The following PKNOX2 variants were observed in gnomAD, a reference collection of about 807,000 sequenced individuals.
The protein encoded by PKNOX2 is PBX/knotted 1 homeobox 2.
PKNOX2 carries 14 observed loss-of-function variants against 53.1 expected under a neutral mutation model. That is an observed-to-expected ratio of 0.26 (90% CI 0.17 to 0.41). PKNOX2 has a LOEUF of 0.41. Among genes scored for constraint, PKNOX2 ranks in the 10% least tolerant of loss-of-function variants. The pLI, the probability that PKNOX2 is intolerant of heterozygous loss-of-function variation, is 1.00. For synonymous variants in PKNOX2, 257 were observed against 242.8 expected, an observed-to-expected ratio of 1.06 and a Z score of -0.54; for missense variants, 496 against 602.8, an observed-to-expected ratio of 0.82 and a Z score of 1.85.
At position 125,238,679 on chromosome 11, in the gene PKNOX2, G is replaced by A. The variant is rs142640301; in HGVS notation, c.-130+3564G>A. ...GAACTTGCTTAGTTATATCTAAATG[G>A]GCCTACTTCATGGAGTTGAGTCTAG... On this transcript the variant is annotated intron_variant, in intron 2 of 12. Coordinates refer to ENST00000298282, the MANE Select transcript of PKNOX2 (RefSeq NM_001382323.2). Among the ~76,000 whole-genome samples the A allele has an allele frequency of 1.8e-4, 27 of 152,202 alleles. No individual in the cohort carries two copies. In the East Asian group the frequency reaches 3.5e-3, roughly 20 times the overall value.
At chr11:125,263,202 C>T (rs1406741859) in intron 2 of PKNOX2, among the ~76,000 whole-genome samples, 1 of 152,158 alleles carries the variant, frequency 6.6e-6, no homozygotes, top group Non-Finnish European at 1.5e-5. Context: ...AGGACATTGC[C>T]CTACCCTTCA....
chr11:125,428,795 G>A (rs112554199), intron 10 of PKNOX2, among the ~76,000 whole-genome samples: 11 of 152,316 alleles, frequency 7.2e-5, no homozygotes, highest in African/African-American at 2.6e-4. Flanking sequence ...GCTGAGGACT[G>A]GCCAGCCCGG....
At position 125,411,834 on chromosome 11, in the gene PKNOX2, T is replaced by C; in HGVS notation, c.905T>C (p.Ile302Thr). 6.2e-7 allele frequency: 1 copy of C among 1,614,050 alleles called. No homozygotes were observed. The highest frequency in any genetic ancestry group is 1.1e-5 in the South Asian group (1 of 91,046). Residue 302 changes from isoleucine to threonine, a missense_variant, in exon 10 of 13, where the codon ATA becomes ACA. By Grantham distance (89) the Ile-to-Thr change is moderately conservative (BLOSUM62 -1). Coordinates refer to ENST00000298282, the MANE Select transcript of PKNOX2 (RefSeq NM_001382323.2). The part of the protein sequence containing the change: ...RGVLPKHATN[I>T]MRSWLFQHLM... ...GTCTTGCCCAAGCATGCCACCAATA[T>C]AATGCGTTCTTGGCTCTTCCAGCAT...
At chr11:125,171,056 G>A (rs1433097617) in intron 1 of PKNOX2, among the ~76,000 whole-genome samples, 1 of 152,194 alleles carries the variant, frequency 6.6e-6, no homozygotes, top group Non-Finnish European at 1.5e-5. Flanking sequence ...ACTGAGGCTT[G>A]TAAATCCTCC....
chr11:125,425,714 G>A (rs944507932), intron 10 of PKNOX2, among the ~76,000 whole-genome samples: 1 of 152,230 alleles, frequency 6.6e-6, no homozygotes. Flanking sequence ...AAGTAGCGCT[G>A]ACCCAATCAT....
chr11:125,311,144 C>T (rs1948777553), intron 2 of PKNOX2, among the ~76,000 whole-genome samples: 1 of 152,146 alleles, frequency 6.6e-6, no homozygotes, highest in Non-Finnish European at 1.5e-5. Flanking sequence ...TCTTCCATGC[C>T]TTGTTCCATC....
intron 1 of PKNOX2, among the ~76,000 whole-genome samples, chr11:125,180,141 C>T (rs139114464): frequency 1.3e-5 from 2 of 152,316 alleles, no homozygotes; most frequent in Non-Finnish European, 2.9e-5. Context: ...TGGATATCTG[C>T]GTGGCTTGCT....
At chr11:125,380,018 G>A (rs560830728) in intron 5 of PKNOX2, among the ~76,000 whole-genome samples, 5 of 151,908 alleles carry the variant, frequency 3.3e-5, no homozygotes, top group African/African-American at 9.7e-5. Context: ...AGGGTGGGAT[G>A]GGGGACTCAG....
chr11:125,431,440 C>T lies in PKNOX2; in HGVS notation c.*48C>T. 8.5e-7 allele frequency: 1 copy of T among 1,177,802 alleles called. No individual in the cohort carries two copies. Among genetic ancestry groups the T allele is most frequent in the South Asian group, 2.9e-5 (1 of 35,084 alleles). 73.0% of individuals were successfully genotyped at this position (1,177,802 alleles called of 1,614,324 possible). On this transcript the variant is annotated 3_prime_UTR_variant, in exon 13 of 13. Coordinates refer to ENST00000298282, the MANE Select transcript of PKNOX2 (RefSeq NM_001382323.2). ...ATCACTGAGCAGGAGAGGAGTGTCG[C>T]CGGGAGGCCTTCAGGGTGGGGGGGA...
intron 4 of PKNOX2, among the ~76,000 whole-genome samples, chr11:125,359,632 G>A (rs979676930): frequency 3.9e-5 from 6 of 152,184 alleles, no homozygotes; most frequent in African/African-American, 7.2e-5. Flanking sequence ...ACCTCTTCCC[G>A]GGTCCTTGGC....
chr11:125,374,869 C>T (rs762506147), intron 5 of PKNOX2, among the ~76,000 whole-genome samples: 7 of 133,282 alleles, frequency 5.3e-5, no homozygotes, highest in Non-Finnish European at 1.1e-4. Flanking sequence ...AGGACTGCAC[C>T]GGGTCTGTCC....
At chr11:125,395,195 T>A (rs1954306314) in intron 6 of PKNOX2, among the ~76,000 whole-genome samples, 1 of 152,242 alleles carries the variant, frequency 6.6e-6, no homozygotes, top group African/African-American at 2.4e-5. Context: ...GACTGGCTTT[T>A]GTCTCTCAGG....
At chr11:125,291,003 A>T (rs936974505) in intron 2 of PKNOX2, among the ~76,000 whole-genome samples, 1 of 152,024 alleles carries the variant, frequency 6.6e-6, no homozygotes, top group African/African-American at 2.4e-5. Context: ...CAGACGCAAG[A>T]CTACACCCCG....
At chr11:125,391,473 C>T (rs1255387100) in intron 6 of PKNOX2, among the ~76,000 whole-genome samples, 1 of 152,188 alleles carries the variant, frequency 6.6e-6, no homozygotes, top group African/African-American at 2.4e-5. Context: ...TGAATGGCTA[C>T]TATATGCCCA....
intron 9 of PKNOX2, chr11:125,411,101 C>T: frequency 2.0e-6 from 1 of 499,552 alleles, no homozygotes; most frequent in Non-Finnish European, 3.6e-6. Context: ...AAGGATCCTG[C>T]ACTTCCTATT....
intron 3 of PKNOX2, among the ~76,000 whole-genome samples, chr11:125,342,195 T>G (rs745339917): frequency 6.6e-6 from 1 of 152,046 alleles, no homozygotes; most frequent in Non-Finnish European, 1.5e-5. Context: ...AGGCAAGTTT[T>G]AAAATTTGGA....
chr11:125,307,623 T>A (rs1485416289), intron 2 of PKNOX2, among the ~76,000 whole-genome samples: 1 of 152,206 alleles, frequency 6.6e-6, no homozygotes, highest in Non-Finnish European at 1.5e-5. Context: ...AAAACATTTA[T>A]GAAGTGAAAT....
Position 125,199,533 on chromosome 11 carries a change from C to T in PKNOX2, c.-201+34757C>T, listed in dbSNP as rs1938184329. On this transcript the variant is annotated intron_variant, in intron 1 of 12. Transcript: ENST00000298282. ...CACTCTCCCAGGTCAGCAATGTGGG[C>T]TCCTGGGTTGCTTAAGATTTCCTGG... 1.3e-5 allele frequency among the ~76,000 whole-genome samples: 2 copies of T among 152,222 alleles called. 1 individual carries two copies. The highest frequency in any genetic ancestry group is 4.1e-4 in the South Asian group (2 of 4,830).
At chr11:125,303,084 G>T (rs1427257713) in intron 2 of PKNOX2, among the ~76,000 whole-genome samples, 1 of 152,174 alleles carries the variant, frequency 6.6e-6, no homozygotes, top group Admixed American at 6.5e-5. Context: ...CATGCTGGGT[G>T]CTGAGAGCCA....
Sources: gnomAD v4.1 joint callset for allele counts (sites outside exome capture counted in the v4.1 genomes callset) on GRCh38, gnomAD v4.1.1 for gene constraint, MANE v1.5 for transcripts, NCBI Gene and HGNC (gene_info 2026-07-23, HGNC 2026-07-21) for gene names.